GLIS3: variants seen among roughly 807,000 people sequenced by gnomAD.
GLIS3 encodes GLIS family zinc finger 3.
GLIS3 carries 53 observed loss-of-function variants against 78.6 expected under a neutral mutation model. The ratio of observed to expected loss-of-function variants is 0.67; its 90% CI spans 0.54 to 0.85. GLIS3 has a LOEUF of 0.85. Ranked by LOEUF, GLIS3 falls within the 40% of genes least tolerant of loss-of-function variation. The pLI is 0.00. For missense variants in GLIS3, 1,703 were observed against 1,231.1 expected (o/e 1.38, Z -5.74); for synonymous variants, 684 against 509.9 (o/e 1.34, Z -4.60).
the GLIS3 span, among the ~76,000 whole-genome samples, chr9:4,460,765 G>A: frequency 2.6e-5 from 4 of 152,194 alleles, no homozygotes; most frequent in African/African-American, 7.2e-5. Context: ...ATGTCTGCAT[G>A]CTGTGGGGAT....
chr9:4,393,431 C>T, the GLIS3 span, among the ~76,000 whole-genome samples: 16 of 152,300 alleles, frequency 1.1e-4, no homozygotes, highest in Non-Finnish European at 2.2e-4. Flanking sequence ...TTAACACTCA[C>T]ACAGTATCAT....
the GLIS3 span, among the ~76,000 whole-genome samples, chr9:4,468,347 G>C: frequency 6.6e-6 from 1 of 152,162 alleles, no homozygotes; most frequent in African/African-American, 2.4e-5. Context: ...ATTCACCAAG[G>C]TTAAAATGAA....
chr9:4,165,334 G>T (rs1239325065), intron 2 of GLIS3, among the ~76,000 whole-genome samples: 1 of 152,104 alleles, frequency 6.6e-6, no homozygotes, highest in Admixed American at 6.5e-5. Flanking sequence ...CCAGTTACTC[G>T]GGAGGCTGAG....
intron 4 of GLIS3, among the ~76,000 whole-genome samples, chr9:4,075,208 A>G (rs902930840): frequency 6.6e-6 from 1 of 152,152 alleles, no homozygotes; most frequent in Non-Finnish European, 1.5e-5. Context: ...ATCAAAATGT[A>G]TACATTAAAT....
rs1189236430 is a variant in GLIS3 at position 4,225,887 on chromosome 9, GAGA to G, written c.388+60148_388+60150del. On this transcript the variant is annotated intron_variant, in intron 2 of 10. Coordinates refer to ENST00000381971, the MANE Select transcript of GLIS3 (RefSeq NM_001042413.2). ...AATTTCTTCAGGGGAAATGAGGAAG[GAGA>G]AGGTCAAAGCAACCCACAACATTTT... Among the ~76,000 whole-genome samples, 14 of 152,296 alleles carry G rather than the reference GAGA, an allele frequency of 9.2e-5. No homozygotes were observed. The East Asian group carries it at 2.7e-3, about 29-fold the overall frequency.
intron 2 of GLIS3, among the ~76,000 whole-genome samples, chr9:4,142,546 T>A (rs2791755): frequency 6.6e-6 from 1 of 152,224 alleles, no homozygotes; most frequent in Non-Finnish European, 1.5e-5. Flanking sequence ...CTAAACATTC[T>A]GTAGCAAAAC....
intron 10 of GLIS3, 35 bp from the exon 11 acceptor site, chr9:3,828,443 C>T: frequency 6.2e-7 from 1 of 1,610,842 alleles, no homozygotes; most frequent in Non-Finnish European, 8.5e-7. Context: ...GTCAGTAACT[C>T]CTGCCCCATG....
Position 4,036,282 on chromosome 9 carries a change from T to TC in GLIS3, c.1710+81485dup, listed in dbSNP as rs1824298780. On this transcript the variant is annotated intron_variant, in intron 4 of 10. Coordinates refer to ENST00000381971, the MANE Select transcript of GLIS3 (RefSeq NM_001042413.2). ...ACAGAAATCAAATCTCTTTTTTTTT[T>TC]CTCTCAGGCCTTGCCCTACTCTAAT... 3.9e-5 allele frequency among the ~76,000 whole-genome samples: 6 copies of TC among 152,270 alleles called. No homozygotes were observed. In the South Asian group the frequency reaches 1.2e-3, roughly 32 times the overall value.
chr9:3,883,623 G>A (rs1455563671), intron 7 of GLIS3, among the ~76,000 whole-genome samples: 1 of 152,162 alleles, frequency 6.6e-6, no homozygotes, highest in African/African-American at 2.4e-5. Context: ...AGGATACAGG[G>A]CAATATTAAC....
chr9:3,929,234 G>A (rs1370793250), intron 6 of GLIS3, among the ~76,000 whole-genome samples: 1 of 152,172 alleles, frequency 6.6e-6, no homozygotes, highest in African/African-American at 2.4e-5. Flanking sequence ...AAAGAAGTCT[G>A]TACATCGGCT....
chr9:4,240,462 G>T (rs1478699878), intron 2 of GLIS3, among the ~76,000 whole-genome samples: 1 of 151,934 alleles, frequency 6.6e-6, no homozygotes, highest in Non-Finnish European at 1.5e-5. Flanking sequence ...CTGGGGATTG[G>T]GAACCCCTGA....
At chr9:4,028,361 T>C (rs1367163196) in intron 4 of GLIS3, among the ~76,000 whole-genome samples, 2 of 152,186 alleles carry the variant, frequency 1.3e-5, no homozygotes, top group African/African-American at 4.8e-5. Flanking sequence ...AAACCAATTA[T>C]CTTGTTTCCT....
At chr9:3,919,470 C>T (rs531559794) in intron 6 of GLIS3, among the ~76,000 whole-genome samples, 8 of 152,124 alleles carry the variant, frequency 5.3e-5, no homozygotes, top group African/African-American at 1.9e-4. Context: ...ACAACACACA[C>T]TGGGGCCTGT....
chr9:4,081,902 G>C (rs1828580455), intron 4 of GLIS3, among the ~76,000 whole-genome samples: 1 of 152,028 alleles, frequency 6.6e-6, no homozygotes, highest in South Asian at 2.1e-4. Flanking sequence ...TGAAAATGAA[G>C]GCAAAATACT....
intron 4 of GLIS3, among the ~76,000 whole-genome samples, chr9:4,035,209 T>C (rs189091998): frequency 3.9e-5 from 6 of 152,306 alleles, no homozygotes; most frequent in Admixed American, 3.3e-4. Context: ...TAACCTTTTA[T>C]GGCAAATGTT....
At chr9:3,927,587 A>T (rs922199407) in intron 6 of GLIS3, among the ~76,000 whole-genome samples, 1 of 152,204 alleles carries the variant, frequency 6.6e-6, no homozygotes, top group Non-Finnish European at 1.5e-5. Flanking sequence ...ATGGTGGTAG[A>T]TATCTTTCGA....
At chr9:4,082,727 A>G (rs1380506658) in intron 4 of GLIS3, among the ~76,000 whole-genome samples, 1 of 152,162 alleles carries the variant, frequency 6.6e-6, no homozygotes, top group Non-Finnish European at 1.5e-5. Flanking sequence ...CTTATCTAAC[A>G]TTCTACAAAC....
chr9:4,120,326 T>G (rs1046646654), intron 3 of GLIS3, among the ~76,000 whole-genome samples: 4 of 152,208 alleles, frequency 2.6e-5, no homozygotes, highest in African/African-American at 9.7e-5. Flanking sequence ...GATGTTACCA[T>G]CGAGTGAAGT....
chr9:3,855,876 T>G, intron 9 of GLIS3, 133 bp downstream of exon 9: 2 of 984,068 alleles, frequency 2.0e-6, no homozygotes, highest in South Asian at 1.3e-5. Flanking sequence ...GTGTGAAATT[T>G]TAGAGGCAAG....
Sources: gnomAD v4.1 joint callset for allele counts (sites outside exome capture counted in the v4.1 genomes callset) on GRCh38, gnomAD v4.1.1 for gene constraint, MANE v1.5 for transcripts, NCBI Gene and HGNC (gene_info 2026-07-23, HGNC 2026-07-21) for gene names.